The following TPTE2 variants were observed in gnomAD, a reference collection of about 807,000 sequenced individuals.
TPTE2 encodes phosphatidylinositol 3,4,5-trisphosphate 3-phosphatase TPTE2.
A neutral mutation model predicts 78.6 loss-of-function variants in TPTE2; 53 were observed. The observed-to-expected ratio is 0.67, with a 90% CI of 0.54 to 0.85. The LOEUF is 0.85. Ranked by LOEUF, TPTE2 falls within the 40% of genes least tolerant of loss-of-function variation. The pLI, the probability that TPTE2 is intolerant of heterozygous loss-of-function variation, is 0.00. For synonymous variants in TPTE2, 175 were observed against 206.2 expected (o/e 0.85, Z 1.30); for missense variants, 461 against 623.0 (o/e 0.74, Z 2.77).
At chr13:19,497,478 G>C (rs1262783710) in intron 1 of TPTE2, among the ~76,000 whole-genome samples, 1 of 104,756 alleles carries the variant, frequency 9.5e-6, no homozygotes, top group Non-Finnish European at 2.2e-5. Context: ...GCCTCCTCAA[G>C]TGGGTCCCTG....
At chr13:19,498,402 G>C (rs1466852342) in intron 1 of TPTE2, among the ~76,000 whole-genome samples, 1 of 151,784 alleles carries the variant, frequency 6.6e-6, no homozygotes, top group Non-Finnish European at 1.5e-5. Flanking sequence ...CAGAAAGAAA[G>C]GTCGGGTTAC....
chr13:19,488,716 C>A (rs893151106), intron 3 of TPTE2, among the ~76,000 whole-genome samples: 10 of 152,334 alleles, frequency 6.6e-5, no homozygotes, highest in African/African-American at 2.4e-4. Flanking sequence ...CTGGTTTGAT[C>A]ATTTATCCAG....
At chr13:19,506,097 A>G (rs1008682802), upstream of TPTE2, among the ~76,000 whole-genome samples, 1 of 137,210 alleles carries the variant, frequency 7.3e-6, no homozygotes, top group Non-Finnish European at 1.5e-5. Flanking sequence ...CTGTGTGTGT[A>G]TGTGTATGCA....
upstream of TPTE2, among the ~76,000 whole-genome samples, chr13:19,507,909 G>A (rs542566217): frequency 5.3e-5 from 8 of 152,210 alleles, no homozygotes; most frequent in Admixed American, 3.3e-4. Flanking sequence ...ACTTGTTCTC[G>A]TTCTAAAAGC....
chr13:19,528,411 A>T (rs567230246), intron 1 of TPTE2, among the ~76,000 whole-genome samples: 5 of 152,120 alleles, frequency 3.3e-5, no homozygotes, highest in African/African-American at 1.2e-4. Flanking sequence ...GCCTATTTAT[A>T]TACTTATTTA....
intron 6 of TPTE2, among the ~76,000 whole-genome samples, chr13:19,471,792 T>C (rs377458036): frequency 2.0e-5 from 3 of 152,194 alleles, no homozygotes; most frequent in East Asian, 1.9e-4. Flanking sequence ...GGTTGTTACT[T>C]ATTGCTCATT....
At chr13:19,530,244 A>T (rs74846353) in intron 1 of TPTE2, among the ~76,000 whole-genome samples, 1,669 of 152,282 alleles carry the variant, frequency 0.011, 30 homozygotes, top group African/African-American at 0.038. Context: ...TGTCTACTTT[A>T]TAAGGTGTTT....
intron 3 of TPTE2, among the ~76,000 whole-genome samples, chr13:19,488,404 G>A (rs1880786665): frequency 6.6e-6 from 1 of 152,190 alleles, no homozygotes; most frequent in Non-Finnish European, 1.5e-5. Context: ...GTCCTAGATG[G>A]CATCTTCTTC....
intron 3 of TPTE2, among the ~76,000 whole-genome samples, chr13:19,487,848 T>G (rs1360054302): frequency 6.6e-6 from 1 of 152,216 alleles, no homozygotes; most frequent in African/African-American, 2.4e-5. Flanking sequence ...GTACTCCTAG[T>G]CCAGGACATG....
chr13:19,556,903 A>G, the TPTE2 span, among the ~76,000 whole-genome samples: 2 of 100,790 alleles, frequency 2.0e-5, no homozygotes, highest in East Asian at 5.0e-4. Flanking sequence ...TGATTTTACT[A>G]GTAAACCAAA....
intron 3 of TPTE2, among the ~76,000 whole-genome samples, chr13:19,489,370 A>T (rs1003056038): frequency 6.6e-6 from 1 of 152,036 alleles, no homozygotes; most frequent in African/African-American, 2.4e-5. Context: ...GCAATAAAGT[A>T]AAGCACAATA....
intron 1 of TPTE2, among the ~76,000 whole-genome samples, chr13:19,522,972 T>A (rs996821116): frequency 7.2e-5 from 11 of 152,132 alleles, no homozygotes; most frequent in South Asian, 4.1e-4. Context: ...AACTTATCTA[T>A]ACCCCAGGTA....
the TPTE2 span, among the ~76,000 whole-genome samples, chr13:19,545,038 C>T: frequency 1.3e-5 from 2 of 151,804 alleles, no homozygotes; most frequent in Non-Finnish European, 2.9e-5. Flanking sequence ...TCTCTGCTCC[C>T]TTGTAACACC....
intron 13 of TPTE2, among the ~76,000 whole-genome samples, chr13:19,438,742 T>C (rs1174582958): frequency 6.6e-6 from 1 of 152,178 alleles, no homozygotes; most frequent in Non-Finnish European, 1.5e-5. Flanking sequence ...AGCAAGTACA[T>C]AAAGACCAAC....
In TPTE2 at chr13:19,462,387, GT is replaced by G. The variant is rs931178911; in HGVS notation, c.741+2068del. On this transcript the variant is annotated intron_variant, in intron 10 of 19. Coordinates refer to ENST00000400230, the Ensembl canonical transcript of TPTE2. ...CTAGGTATAGTATTCTTGGTTGACA[GT>G]TTTTTTTTTCCTTCAGTACTTTGTG... Among the ~76,000 whole-genome samples the G allele has an allele frequency of 6.5e-4, 97 of 148,420 alleles. 1 individual carries two copies. The highest frequency in any genetic ancestry group is 2.7e-3 in the East Asian group (14 of 5,094).
intron 6 of TPTE2, among the ~76,000 whole-genome samples, chr13:19,472,558 TC>T: frequency 6.6e-6 from 1 of 152,348 alleles, no homozygotes; most frequent in African/African-American, 2.4e-5. Context: ...AATTATGAAT[TC>T]CTTCTCTGTC....
At chr13:19,434,195 T>C (rs1593349159) in intron 15 of TPTE2, among the ~76,000 whole-genome samples, 1 of 152,108 alleles carries the variant, frequency 6.6e-6, no homozygotes, top group Non-Finnish European at 1.5e-5. Flanking sequence ...CCACTTCAAA[T>C]AACTAGAGAA....
chr13:19,452,320 A>C (rs549435260), intron 10 of TPTE2, among the ~76,000 whole-genome samples: 14 of 152,242 alleles, frequency 9.2e-5, no homozygotes, highest in Admixed American at 9.2e-4. Context: ...AAAGGTGTTG[A>C]ATCAATGGAA....
In TPTE2 at chr13:19,464,447, G is replaced by A; in HGVS notation, c.741+9C>T. On this transcript the variant is annotated intron_variant, in intron 10 of 19. Coordinates refer to ENST00000400230, the Ensembl canonical transcript of TPTE2. ...GAGAAATGAGTATTTGTCAGATAAA[G>A]ACCCTTACCTCAATTGGATTTCTAT... The A allele has an allele frequency of 6.2e-7, 1 of 1,608,962 alleles. No homozygotes were observed. The highest frequency in any genetic ancestry group is 1.1e-5 in the South Asian group (1 of 90,834).
Sources: allele counts gnomAD v4.1 joint callset (sites outside exome capture counted in the v4.1 genomes callset), GRCh38; gene constraint gnomAD v4.1.1; transcripts MANE v1.5; gene names NCBI Gene and HGNC (gene_info 2026-07-23, HGNC 2026-07-21).